AGPAT3: variants seen among roughly 807,000 people sequenced by gnomAD.
AGPAT3 encodes the protein 1-acylglycerol-3-phosphate O-acyltransferase 3.
Under a neutral mutation model 47.3 loss-of-function variants are expected in AGPAT3, and 5 were observed. The observed-to-expected ratio is 0.11, with a 90% confidence interval of 0.06 to 0.22. The LOEUF (loss-of-function observed/expected upper bound fraction) is 0.22. Among genes scored for constraint, AGPAT3 ranks in the 10% least tolerant of loss-of-function variants. The pLI is 1.00. For synonymous variants in AGPAT3, 212 were observed against 208.3 expected, an observed-to-expected ratio of 1.02 and a Z score of -0.15; for missense variants, 315 against 493.0, an observed-to-expected ratio of 0.64 and a Z score of 3.42.
At chr21:43,925,282 G>T (rs1484576449) in intron 2 of AGPAT3, 1 of 152,402 alleles carries the variant, frequency 6.6e-6, no homozygotes, top group Admixed American at 6.5e-5. Context: ...GGGGAAGAGG[G>T]CAGAGTCCTC....
chr21:43,895,739 C>G (rs1052913815), intron 1 of AGPAT3, among the ~76,000 whole-genome samples: 2 of 152,164 alleles, frequency 1.3e-5, no homozygotes, highest in African/African-American at 4.8e-5. Context: ...GCAACCGCCA[C>G]CACACCTGGC....
At chr21:43,870,435 C>T (rs912410131) in intron 1 of AGPAT3, among the ~76,000 whole-genome samples, 14 of 151,988 alleles carry the variant, frequency 9.2e-5, no homozygotes, top group Admixed American at 5.9e-4. Context: ...ATTGGGTCCC[C>T]GGGTGGTGGT....
Position 43,930,618 on chromosome 21 carries a change from C to T in AGPAT3, c.-49+26599C>T, listed in dbSNP as rs1013162180. 1.2e-3 allele frequency among the ~76,000 whole-genome samples: 29 copies of T among 24,078 alleles called. No homozygotes were observed. The highest frequency in any genetic ancestry group is 2.9e-3 in the South Asian group (2 of 698). 15.8% of individuals were successfully genotyped at this position (24,078 alleles called of 152,430 possible). A position where few individuals can be genotyped will look rare whatever the true frequency, so the allele number is the denominator to read the frequency against. On this transcript the variant is annotated intron_variant, in intron 2 of 9. Transcript: ENST00000291572. This position sits in a 1 kb window ranked among gnomAD's most constrained non-coding sequence, Gnocchi z 5.0. ...GGGTGTCCACAGTGGGCAGGCCTGG[C>T]GGGGTGAGGGTGGGTGGGTGTTTCT...
At chr21:43,912,315 G>A (rs1384254999) in intron 2 of AGPAT3, among the ~76,000 whole-genome samples, 1 of 152,226 alleles carries the variant, frequency 6.6e-6, no homozygotes, top group Non-Finnish European at 1.5e-5. Flanking sequence ...CTTTTATCGT[G>A]GCCTTGTCTC....
intron 2 of AGPAT3, among the ~76,000 whole-genome samples, chr21:43,915,572 TG>T (rs1410225576): frequency 6.6e-6 from 1 of 150,854 alleles, no homozygotes; most frequent in Non-Finnish European, 1.5e-5. Flanking sequence ...CCACCATGCC[TG>T]GCTAATTTTT....
chr21:43,904,476 A>C (rs1419552967), intron 2 of AGPAT3, among the ~76,000 whole-genome samples: 1 of 151,968 alleles, frequency 6.6e-6, no homozygotes, highest in Non-Finnish European at 1.5e-5. Flanking sequence ...ACAGCTGCAC[A>C]ATCCCCGTGG....
intron 1 of AGPAT3, among the ~76,000 whole-genome samples, chr21:43,867,951 C>T (rs752423858): frequency 6.6e-6 from 1 of 152,214 alleles, no homozygotes; most frequent in Non-Finnish European, 1.5e-5. Context: ...TCTGTCCTTC[C>T]TAAAACCACT....
At position 43,945,226 on chromosome 21, in the gene AGPAT3, A is replaced by C. The variant is rs551879909; in HGVS notation, c.-48-14408A>C. The stretch of plus-strand genomic sequence containing the variant: ...AAGTAAAAAGCCTGCGATTTGGCCT[A>C]CGGGGTCCCAGGGTCATCCCGGGGT... On this transcript the variant is annotated intron_variant, in intron 2 of 9. Coordinates refer to ENST00000291572, the MANE Select transcript of AGPAT3 (RefSeq NM_020132.5). Among the ~76,000 whole-genome samples, 6 of 152,266 alleles carry C rather than the reference A, an allele frequency of 3.9e-5. No individual in the cohort carries two copies. The South Asian group carries it at 1.2e-3, about 32-fold the overall frequency.
intron 2 of AGPAT3, among the ~76,000 whole-genome samples, chr21:43,936,000 TCC>T (rs1402794090): frequency 6.6e-6 from 1 of 152,158 alleles, no homozygotes; most frequent in African/African-American, 2.4e-5. Flanking sequence ...GCCCAGCTGT[TCC>T]TAAGCAAGGC....
At chr21:43,910,883 C>G (rs1288253106) in intron 2 of AGPAT3, among the ~76,000 whole-genome samples, 1 of 152,084 alleles carries the variant, frequency 6.6e-6, no homozygotes, top group East Asian at 1.9e-4. Flanking sequence ...TTAAGGCGCA[C>G]AAGTTAATTT....
At chr21:43,937,048 T>C (rs1379609458) in intron 2 of AGPAT3, among the ~76,000 whole-genome samples, 1 of 152,360 alleles carries the variant, frequency 6.6e-6, no homozygotes. Flanking sequence ...ATTCACGTAC[T>C]GTTCTGAATG....
At chr21:43,977,885 C>CA (rs573227227) in intron 7 of AGPAT3, among the ~76,000 whole-genome samples, 161 bp from the exon 8 acceptor site, 14,703 of 117,142 alleles carry the variant, frequency 0.13, 780 homozygotes, top group Middle Eastern at 0.14. Context: ...GACTCCATCT[C>CA]AAAAAAAAAA....
chr21:43,944,230 C>T (rs2087781018), intron 2 of AGPAT3, among the ~76,000 whole-genome samples: 3 of 152,248 alleles, frequency 2.0e-5, no homozygotes, highest in African/African-American at 4.8e-5. Context: ...GTGGAGGCCC[C>T]GGCCCTCGCC....
chr21:43,970,675 C>T lies in AGPAT3; in HGVS notation c.533C>T (p.Thr178Met). The change falls in exon 6 of 10, where the codon ACG (threonine) becomes ATG (methionine). Residue 178 changes from threonine to methionine, a missense_variant. Coordinates refer to ENST00000291572, the MANE Select transcript of AGPAT3 (RefSeq NM_020132.5). The surrounding 1 kb of genome is among the most constrained non-coding windows in gnomAD (Gnocchi z 5.8). ...TAGTTTCTCCTGTACTGCGAGGGGACGCGCTTCACGGAGACCAAGCACCGC... is the reference window on the plus strand; with the variant it reads ...TAGTTTCTCCTGTACTGCGAGGGGATGCGCTTCACGGAGACCAAGCACCGC... ...YMWFLLYCEG[T>M]RFTETKHRVS... 2 of 1,613,782 alleles carry T rather than the reference C, an allele frequency of 1.2e-6. No homozygotes were observed. The highest frequency in any genetic ancestry group is 1.7e-6 in the Non-Finnish European group (2 of 1,179,852).
In AGPAT3 at chr21:43,932,443, C is replaced by G. The variant is rs1275793378; in HGVS notation, c.-48-27191C>G. 2.0e-5 allele frequency among the ~76,000 whole-genome samples: 3 copies of G among 152,334 alleles called. No individual in the cohort carries two copies. The highest frequency in any genetic ancestry group is 4.8e-5 in the African/African-American group (2 of 41,576). ...GTGATGTTGCCAGTGACAGGACTTC[C>G]TTCTTCCTTATGGCTGAATAATAAC... On this transcript the variant is annotated intron_variant, in intron 2 of 9. Coordinates refer to ENST00000291572, the MANE Select transcript of AGPAT3 (RefSeq NM_020132.5). This position sits in a 1 kb window ranked among gnomAD's most constrained non-coding sequence, Gnocchi z 5.2.
intron 2 of AGPAT3, among the ~76,000 whole-genome samples, chr21:43,957,620 T>C (rs1017314188): frequency 4.2e-5 from 6 of 143,416 alleles, no homozygotes; most frequent in Admixed American, 2.1e-4. Flanking sequence ...GGTCTCGGGT[T>C]TCCCCCTGCA....
At chr21:43,869,803 T>C (rs1445157589) in intron 1 of AGPAT3, among the ~76,000 whole-genome samples, 1 of 152,184 alleles carries the variant, frequency 6.6e-6, no homozygotes, top group African/African-American at 2.4e-5. Flanking sequence ...TCCTCACCTG[T>C]CACCTTGAAG....
chr21:43,960,234 G>A (rs1312695805), intron 3 of AGPAT3, among the ~76,000 whole-genome samples: 1 of 152,216 alleles, frequency 6.6e-6, no homozygotes, highest in East Asian at 1.9e-4. Context: ...GCATGCTGAC[G>A]CGTATTTCAG....
chr21:43,953,833 G>T (rs542132101), intron 2 of AGPAT3, among the ~76,000 whole-genome samples: 2 of 152,216 alleles, frequency 1.3e-5, no homozygotes, highest in South Asian at 2.1e-4. Flanking sequence ...TTAAACTTGG[G>T]CTTAAAAATG....
Sources: allele counts gnomAD v4.1 joint callset (sites outside exome capture counted in the v4.1 genomes callset), GRCh38; gene constraint gnomAD v4.1.1; non-coding constraint Gnocchi (gnomAD v3.1); transcripts MANE v1.5; gene names NCBI Gene and HGNC (gene_info 2026-07-23, HGNC 2026-07-21).